The following CCSER1 variants were observed in gnomAD, a reference collection of about 807,000 sequenced individuals.
CCSER1 encodes the protein serine-rich coiled-coil domain-containing protein 1.
Under a neutral mutation model 82.0 loss-of-function variants are expected in CCSER1, and 41 were observed. The observed-to-expected ratio is 0.50, with a 90% CI of 0.39 to 0.65. The LOEUF (loss-of-function observed/expected upper bound fraction) is 0.65. Ranked by LOEUF, CCSER1 falls within the 30% of genes least tolerant of loss-of-function variation. The pLI, the probability that CCSER1 is intolerant of heterozygous loss-of-function variation, is 0.00. For missense variants in CCSER1, 1,119 were observed against 1,064.2 expected, an observed-to-expected ratio of 1.05 and a Z score of -0.72; for synonymous variants, 414 against 383.9, an observed-to-expected ratio of 1.08 and a Z score of -0.92.
intron 6 of CCSER1, among the ~76,000 whole-genome samples, chr4:90,682,346 A>C (rs1043327700): frequency 6.6e-6 from 1 of 151,994 alleles, no homozygotes; most frequent in African/African-American, 2.4e-5. Context: ...TCATTTTTAA[A>C]ATTTTGTGTA....
At chr4:90,168,915 C>T (rs1731064417) in intron 1 of CCSER1, among the ~76,000 whole-genome samples, 1 of 151,382 alleles carries the variant, frequency 6.6e-6, no homozygotes, top group Admixed American at 6.6e-5. Context: ...AGCGTGATGC[C>T]TCCAGCTTTA....
chr4:91,297,999 A>G (rs1315350701), intron 10 of CCSER1, among the ~76,000 whole-genome samples: 1 of 152,010 alleles, frequency 6.6e-6, no homozygotes, highest in Admixed American at 6.6e-5. Context: ...TTCACAAAGC[A>G]TAATAATAGG....
chr4:90,762,852 A>C (rs142341862), intron 7 of CCSER1, among the ~76,000 whole-genome samples: 1,636 of 152,152 alleles, frequency 0.011, 13 homozygotes, highest in Middle Eastern at 0.02. Flanking sequence ...TGAGATGGGG[A>C]GATTATCCCA....
intron 10 of CCSER1, among the ~76,000 whole-genome samples, chr4:91,298,791 A>G (rs1434147458): frequency 6.6e-6 from 1 of 151,984 alleles, no homozygotes; most frequent in East Asian, 1.9e-4. Flanking sequence ...ATCACAGACA[A>G]ACTTAATGCT....
chr4:91,468,922 G>T (rs904058625), intron 10 of CCSER1, among the ~76,000 whole-genome samples: 1 of 152,026 alleles, frequency 6.6e-6, no homozygotes, highest in Non-Finnish European at 1.5e-5. Context: ...AATTTTAAGG[G>T]ATATTAGGCC....
chr4:90,534,548 T>C (rs910399382), intron 5 of CCSER1, among the ~76,000 whole-genome samples: 11 of 152,012 alleles, frequency 7.2e-5, no homozygotes, highest in African/African-American at 2.7e-4. Context: ...CTATTACTTT[T>C]GGCAGGAATT....
At chr4:90,861,437 T>TAG (rs1163185916) in intron 8 of CCSER1, among the ~76,000 whole-genome samples, 2 of 151,804 alleles carry the variant, frequency 1.3e-5, no homozygotes, top group African/African-American at 2.4e-5. Context: ...GGATTATACT[T>TAG]ATTTTGCTTA....
intron 8 of CCSER1, among the ~76,000 whole-genome samples, chr4:90,889,807 C>A (rs1722700709): frequency 6.6e-6 from 1 of 152,072 alleles, no homozygotes; most frequent in African/African-American, 2.4e-5. Flanking sequence ...CACATATAAT[C>A]TTTTAATGTT....
intron 6 of CCSER1, among the ~76,000 whole-genome samples, chr4:90,650,102 A>T (rs1410559880): frequency 1.3e-5 from 2 of 152,142 alleles, no homozygotes; most frequent in Non-Finnish European, 2.9e-5. Flanking sequence ...CTGTAATCCC[A>T]GCTACTCGGG....
chr4:91,338,978 A>G (rs955700300), intron 10 of CCSER1, among the ~76,000 whole-genome samples: 1 of 152,168 alleles, frequency 6.6e-6, no homozygotes, highest in Non-Finnish European at 1.5e-5. Context: ...TTCCTTTACC[A>G]TTCAATTTCT....
At chr4:91,594,516 A>G (rs1369745835) in intron 10 of CCSER1, among the ~76,000 whole-genome samples, 2 of 150,548 alleles carry the variant, frequency 1.3e-5, no homozygotes, top group East Asian at 1.9e-4. Flanking sequence ...ATCTATATCT[A>G]TCTATCTTAG....
rs1332236380 is a variant in CCSER1, at chr4:91,387,740, TAAGAC to T, written c.2218-210830_2218-210826del. ...AGTTAACTAAATGATAAAAAAATGA[TAAGAC>T]AGATAAGAGAGATAAGAACATACTG... On this transcript the variant is annotated intron_variant, in intron 10 of 10. Coordinates refer to ENST00000509176, the MANE Select transcript of CCSER1 (RefSeq NM_001145065.2). Among the ~76,000 whole-genome samples, 17 of 150,464 alleles carry T rather than the reference TAAGAC, an allele frequency of 1.1e-4. No individual in the cohort carries two copies. The Admixed American group carries it at 1.1e-3, about 10-fold the overall frequency.
At chr4:90,236,477 C>T (rs1349448538) in intron 1 of CCSER1, among the ~76,000 whole-genome samples, 1 of 152,058 alleles carries the variant, frequency 6.6e-6, no homozygotes, top group African/African-American at 2.4e-5. Context: ...GCATCAAGGA[C>T]TATTTTATTT....
chr4:90,428,155 G>GA (rs2153564945), intron 4 of CCSER1, among the ~76,000 whole-genome samples: 1 of 151,882 alleles, frequency 6.6e-6, no homozygotes, highest in East Asian at 1.9e-4. Flanking sequence ...GAAAAATGCA[G>GA]ATTTGTTTTA....
rs769872591 is a variant in CCSER1 at position 91,025,735 on chromosome 4, G to A, written c.2173-60215G>A. Among the ~76,000 whole-genome samples the A allele has an allele frequency of 1.6e-4, 25 of 152,132 alleles. 1 individual carries two copies. The highest frequency in any genetic ancestry group is 2.4e-5 in the African/African-American group (1 of 41,444). ...AGAAATCCTTTCTCTGTGCCACACT[G>A]TTGCAGTGGAACCCAAATTGTGTTT... On this transcript the variant is annotated intron_variant, in intron 9 of 10. Transcript: ENST00000509176.
At chr4:91,333,530 T>C (rs1747102581) in intron 10 of CCSER1, among the ~76,000 whole-genome samples, 2 of 152,060 alleles carry the variant, frequency 1.3e-5, no homozygotes, top group Non-Finnish European at 2.9e-5. Flanking sequence ...CAGATTTTCA[T>C]TTTATGATTT....
chr4:90,606,661 A>G (rs13140941), intron 5 of CCSER1, among the ~76,000 whole-genome samples: 42,839 of 152,044 alleles, frequency 0.28, 6,304 homozygotes, highest in East Asian at 0.36. Context: ...GCATCATTTC[A>G]TAGCAAATCT....
At chr4:91,582,481 T>C (rs1763778815) in intron 10 of CCSER1, among the ~76,000 whole-genome samples, 1 of 151,610 alleles carries the variant, frequency 6.6e-6, no homozygotes, top group South Asian at 2.1e-4. Flanking sequence ...ATTTGGGATT[T>C]ACTATTGCTC....
intron 1 of CCSER1, among the ~76,000 whole-genome samples, chr4:90,149,251 A>G (rs1467835720): frequency 6.6e-6 from 1 of 152,054 alleles, no homozygotes; most frequent in Admixed American, 6.6e-5. Context: ...AAAGAGTTAG[A>G]AAGTAGTAGA....
Sources: gnomAD v4.1 joint callset for allele counts (sites outside exome capture counted in the v4.1 genomes callset) on GRCh38, gnomAD v4.1.1 for gene constraint, MANE v1.5 for transcripts, NCBI Gene and HGNC (gene_info 2026-07-23, HGNC 2026-07-21) for gene names.